ROBO2: variants seen among roughly 807,000 people sequenced by gnomAD.
The protein encoded by ROBO2 is roundabout homolog 2.
Under a neutral mutation model 160.8 loss-of-function variants are expected in ROBO2, and 53 were observed. The observed-to-expected ratio is 0.33, with a 90% CI of 0.26 to 0.41. The LOEUF is 0.41. Ranked by LOEUF, ROBO2 falls within the 10% of genes least tolerant of loss-of-function variation. The pLI is 1.00. For missense variants in ROBO2, 1,577 were observed against 1,722.4 expected (o/e 0.92, Z 1.49); for synonymous variants, 664 against 611.7 (o/e 1.09, Z -1.26).
intron 2 of ROBO2, among the ~76,000 whole-genome samples, chr3:76,112,174 C>G (rs566731666): frequency 5.3e-5 from 8 of 152,166 alleles, no homozygotes; most frequent in African/African-American, 1.7e-4. Flanking sequence ...CTCTTTTTTC[C>G]AGATATTTTC....
intron 2 of ROBO2, among the ~76,000 whole-genome samples, chr3:76,565,155 A>G (rs1400852755): frequency 6.6e-6 from 1 of 152,170 alleles, no homozygotes; most frequent in African/African-American, 2.4e-5. Flanking sequence ...ACTACCATCT[A>G]TTTATCCCCT....
At chr3:76,733,070 T>A (rs1353022020) in intron 2 of ROBO2, among the ~76,000 whole-genome samples, 1 of 151,952 alleles carries the variant, frequency 6.6e-6, no homozygotes, top group African/African-American at 2.4e-5. Context: ...TATGAAGAAA[T>A]GCACAGAAAA....
chr3:76,693,448 G>GTATATA (rs150823337), intron 2 of ROBO2, among the ~76,000 whole-genome samples: 1 of 148,542 alleles, frequency 6.7e-6, no homozygotes, highest in African/African-American at 2.5e-5. Context: ...CTATATATGT[G>GTATATA]TATATATATA....
intron 2 of ROBO2, among the ~76,000 whole-genome samples, chr3:77,133,081 G>A (rs890842784): frequency 1.3e-5 from 2 of 152,004 alleles, no homozygotes; most frequent in African/African-American, 2.4e-5. Context: ...TCTTCAATAC[G>A]TCTCTGTGCT....
At chr3:76,283,153 A>ATATATATATATATATATATATATATAT (rs1559717396) in intron 2 of ROBO2, among the ~76,000 whole-genome samples, 20 of 12,052 alleles carry the variant, frequency 1.7e-3, no homozygotes, top group African/African-American at 2.2e-3. Context: ...TATATATATA[A>ATATATATATATATATATATATATATAT]AACTACATAT....
chr3:76,425,245 C>T (rs1399625419), intron 2 of ROBO2, among the ~76,000 whole-genome samples: 2 of 151,584 alleles, frequency 1.3e-5, no homozygotes, highest in African/African-American at 2.4e-5. Flanking sequence ...TGTATTTTGC[C>T]TTCTGACTTT....
intron 2 of ROBO2, among the ~76,000 whole-genome samples, chr3:76,830,958 C>CA (rs1191356521): frequency 6.6e-6 from 1 of 152,086 alleles, no homozygotes; most frequent in Non-Finnish European, 1.5e-5. Flanking sequence ...CACTGCACTC[C>CA]AGCCTGGGTG....
intron 2 of ROBO2, among the ~76,000 whole-genome samples, chr3:76,797,395 A>G (rs2063781626): frequency 6.6e-6 from 1 of 152,140 alleles, no homozygotes; most frequent in Admixed American, 6.5e-5. Context: ...CACAAATGAA[A>G]TGGAAACACA....
chr3:77,554,193 G>C (rs1046929084), intron 8 of ROBO2, among the ~76,000 whole-genome samples: 1 of 151,810 alleles, frequency 6.6e-6, no homozygotes, highest in Non-Finnish European at 1.5e-5. Context: ...CTGAATGACA[G>C]CATATCTCTT....
At chr3:77,059,618 T>C (rs1370451424) in intron 1 of ROBO2, among the ~76,000 whole-genome samples, 1 of 152,184 alleles carries the variant, frequency 6.6e-6, no homozygotes, top group Non-Finnish European at 1.5e-5. Flanking sequence ...GATTTATTGA[T>C]GTGGGAATTT....
At chr3:77,513,218 T>C (rs2089621101) in intron 5 of ROBO2, among the ~76,000 whole-genome samples, 1 of 151,786 alleles carries the variant, frequency 6.6e-6, no homozygotes, top group Non-Finnish European at 1.5e-5. Flanking sequence ...AAATTCTGTG[T>C]TCATTGTGGA....
At chr3:76,603,387 TGA>T (rs1401634600) in intron 2 of ROBO2, among the ~76,000 whole-genome samples, 2 of 130,306 alleles carry the variant, frequency 1.5e-5, no homozygotes, top group Non-Finnish European at 3.2e-5. Flanking sequence ...TATATATATA[TGA>T]GTAGAAATAT....
At chr3:77,492,062 T>G (rs2086193002) in intron 4 of ROBO2, among the ~76,000 whole-genome samples, 1 of 152,214 alleles carries the variant, frequency 6.6e-6, no homozygotes, top group Non-Finnish European at 1.5e-5. Flanking sequence ...ATTTTAGTTT[T>G]TGTGCCACTG....
chr3:76,851,175 A>G (rs560271989), intron 2 of ROBO2, among the ~76,000 whole-genome samples: 1 of 152,324 alleles, frequency 6.6e-6, no homozygotes, highest in Admixed American at 6.5e-5. Flanking sequence ...ACATTGTCCA[A>G]TAGGTAGCCA....
At chr3:77,134,620 T>C (rs905310778) in intron 2 of ROBO2, among the ~76,000 whole-genome samples, 2 of 152,220 alleles carry the variant, frequency 1.3e-5, no homozygotes, top group Non-Finnish European at 2.9e-5. Flanking sequence ...ATATCGTGAA[T>C]GTTCACATCT....
At chr3:76,165,799 G>C (rs1246774977) in intron 2 of ROBO2, among the ~76,000 whole-genome samples, 2 of 152,104 alleles carry the variant, frequency 1.3e-5, no homozygotes, top group Non-Finnish European at 2.9e-5. Flanking sequence ...GAGGAGGAGA[G>C]AGAATGGGAA....
chr3:76,072,238 C>A (rs1323808518), intron 2 of ROBO2, among the ~76,000 whole-genome samples: 1 of 149,968 alleles, frequency 6.7e-6, no homozygotes. Context: ...CTTTCCCCCG[C>A]AAAAAAAAAT....
At chr3:76,197,470 A>G (rs563844502) in intron 2 of ROBO2, among the ~76,000 whole-genome samples, 7 of 147,044 alleles carry the variant, frequency 4.8e-5, no homozygotes, top group Admixed American at 2.7e-4. Flanking sequence ...GAGTTAACCA[A>G]TCTCTCTATA....
chr3:76,246,741 A>G (rs1243288267), intron 2 of ROBO2, among the ~76,000 whole-genome samples: 1 of 152,124 alleles, frequency 6.6e-6, no homozygotes, highest in Non-Finnish European at 1.5e-5. Context: ...CTAATTCTCT[A>G]ATCAGTCTTA....
Sources: gnomAD v4.1 joint callset for allele counts (sites outside exome capture counted in the v4.1 genomes callset) on GRCh38, gnomAD v4.1.1 for gene constraint, MANE v1.5 for transcripts, NCBI Gene and HGNC (gene_info 2026-07-23, HGNC 2026-07-21) for gene names.